The following AGBL4 variants were observed in gnomAD, a reference collection of about 807,000 sequenced individuals.
AGBL4 encodes the protein cytosolic carboxypeptidase 6.
Under a neutral mutation model 66.4 loss-of-function variants are expected in AGBL4, and 58 were observed. The ratio of observed to expected loss-of-function variants is 0.87; its 90% confidence interval spans 0.71 to 1.09. AGBL4 has a LOEUF of 1.09. Among genes scored for constraint, AGBL4 ranks in the 50% least tolerant of loss-of-function variants. The pLI is 0.00. For synonymous variants in AGBL4, 234 were observed against 222.9 expected (o/e 1.05, Z -0.44); for missense variants, 579 against 631.0 (o/e 0.92, Z 0.88).
At chr1:49,921,122 G>C (rs1010759893) in intron 1 of AGBL4, among the ~76,000 whole-genome samples, 1 of 152,076 alleles carries the variant, frequency 6.6e-6, no homozygotes. Flanking sequence ...GACAGCATTA[G>C]GAGATATACC....
chr1:49,743,904 T>C (rs1268999936), intron 2 of AGBL4, among the ~76,000 whole-genome samples: 1 of 79,744 alleles, frequency 1.3e-5, no homozygotes, highest in Non-Finnish European at 2.3e-5. Context: ...GGACCTATTG[T>C]GGGGTGGGGG....
intron 6 of AGBL4, among the ~76,000 whole-genome samples, chr1:48,714,995 G>A (rs192129911): frequency 6.6e-6 from 1 of 152,330 alleles, no homozygotes; most frequent in East Asian, 1.9e-4. Context: ...AACACAACAG[G>A]ATGAGAGGAA....
At chr1:48,907,970 T>C (rs1402945801) in intron 5 of AGBL4, among the ~76,000 whole-genome samples, 1 of 151,838 alleles carries the variant, frequency 6.6e-6, no homozygotes, top group African/African-American at 2.4e-5. Context: ...AGTATGTGAG[T>C]GTGTGTGTGT....
At chr1:48,896,253 A>G (rs1651496966) in intron 5 of AGBL4, among the ~76,000 whole-genome samples, 1 of 152,178 alleles carries the variant, frequency 6.6e-6, no homozygotes, top group African/African-American at 2.4e-5. Flanking sequence ...TTCCCTGTTT[A>G]ACTCCTCTCA....
rs777276008 is a variant in AGBL4, at chr1:48,621,650, T to G, written c.951+12843A>C. Among the ~76,000 whole-genome samples the G allele has an allele frequency of 5.0e-4, 76 of 152,334 alleles. 1 individual carries two copies. Among genetic ancestry groups the G allele is most frequent in the Admixed American group, 2.9e-3 (44 of 15,304 alleles). ...TTAACATATAATACATAAGCAACTT[T>G]GTCTTCTGCTTTTTTCCACTTAAAA... On this transcript the variant is annotated intron_variant, in intron 9 of 13. Coordinates refer to ENST00000371839, the MANE Select transcript of AGBL4 (RefSeq NM_032785.4).
chr1:49,331,868 G>T (rs1026856607), intron 3 of AGBL4, among the ~76,000 whole-genome samples: 2 of 151,862 alleles, frequency 1.3e-5, no homozygotes, highest in Non-Finnish European at 2.9e-5. Context: ...CCCAGCCAAG[G>T]CCTCCAGCCA....
intron 4 of AGBL4, among the ~76,000 whole-genome samples, chr1:49,061,879 C>T (rs1644408663): frequency 6.6e-6 from 1 of 152,130 alleles, no homozygotes; most frequent in Admixed American, 6.5e-5. Flanking sequence ...AATTATCAAA[C>T]CACAGGAGCC....
At chr1:48,711,622 G>T (rs1646968659) in intron 6 of AGBL4, among the ~76,000 whole-genome samples, 1 of 152,122 alleles carries the variant, frequency 6.6e-6, no homozygotes, top group South Asian at 2.1e-4. Context: ...GGTGTTGCCT[G>T]CCTGGGTCGA....
At chr1:49,957,840 G>T (rs1472248277) in intron 1 of AGBL4, among the ~76,000 whole-genome samples, 2 of 151,974 alleles carry the variant, frequency 1.3e-5, no homozygotes, top group Non-Finnish European at 2.9e-5. Context: ...CTTTTAATTG[G>T]AGCATTTAGC....
chr1:49,771,591 T>A (rs1571532391), intron 2 of AGBL4, among the ~76,000 whole-genome samples: 1 of 152,112 alleles, frequency 6.6e-6, no homozygotes, highest in East Asian at 1.9e-4. Context: ...AAAAGCGGGT[T>A]ATTAAAGTAC....
At chr1:49,930,473 T>C (rs1653222534) in intron 1 of AGBL4, among the ~76,000 whole-genome samples, 1 of 151,930 alleles carries the variant, frequency 6.6e-6, no homozygotes, top group Admixed American at 6.6e-5. Context: ...ATGAAGACAT[T>C]ACAAGAAAAT....
chr1:49,566,948 G>T (rs1477595243), intron 3 of AGBL4, among the ~76,000 whole-genome samples: 2 of 152,218 alleles, frequency 1.3e-5, no homozygotes, highest in Admixed American at 6.5e-5. Context: ...GCTCCACCCA[G>T]TTTGAGCTTC....
intron 5 of AGBL4, among the ~76,000 whole-genome samples, chr1:48,995,376 A>G (rs1660922853): frequency 6.6e-6 from 1 of 152,186 alleles, no homozygotes; most frequent in Non-Finnish European, 1.5e-5. Context: ...CAGGGATCTA[A>G]TAGGTCAGTC....
chr1:49,882,805 A>G (rs1459367798), intron 1 of AGBL4, among the ~76,000 whole-genome samples: 1 of 152,126 alleles, frequency 6.6e-6, no homozygotes, highest in African/African-American at 2.4e-5. Flanking sequence ...CAATGTAAGC[A>G]GTTTGCATTT....
chr1:48,992,848 T>C (rs1389530169), intron 5 of AGBL4, among the ~76,000 whole-genome samples: 2 of 152,068 alleles, frequency 1.3e-5, no homozygotes, highest in African/African-American at 4.8e-5. Context: ...GTAGTGAATC[T>C]GGCCAGGCCT....
chr1:49,638,485 G>A (rs536911652), intron 3 of AGBL4, among the ~76,000 whole-genome samples: 3 of 152,022 alleles, frequency 2.0e-5, no homozygotes, highest in African/African-American at 7.2e-5. Flanking sequence ...CAAGAAGTAC[G>A]GATATAGTTT....
chr1:48,874,769 T>A (rs1649054506), intron 5 of AGBL4, among the ~76,000 whole-genome samples: 1 of 152,078 alleles, frequency 6.6e-6, no homozygotes, highest in African/African-American at 2.4e-5. Context: ...CAGTTTCCTC[T>A]GTGAGGAAAG....
chr1:49,419,416 T>C (rs1645495815), intron 3 of AGBL4, among the ~76,000 whole-genome samples: 1 of 152,212 alleles, frequency 6.6e-6, no homozygotes, highest in Non-Finnish European at 1.5e-5. Flanking sequence ...AGAGTACTTA[T>C]CAAACAAATG....
chr1:49,926,454 A>G (rs1652783504), intron 1 of AGBL4, among the ~76,000 whole-genome samples: 1 of 152,202 alleles, frequency 6.6e-6, no homozygotes, highest in Non-Finnish European at 1.5e-5. Flanking sequence ...TGTGAAGACA[A>G]CAAAAAATAT....
Sources: allele counts gnomAD v4.1 joint callset (sites outside exome capture counted in the v4.1 genomes callset), GRCh38; gene constraint gnomAD v4.1.1; transcripts MANE v1.5; gene names NCBI Gene and HGNC (gene_info 2026-07-23, HGNC 2026-07-21).